SYCE2: variants seen among roughly 807,000 people sequenced by gnomAD.
The protein encoded by SYCE2 is central element synaptonemal complex 1.
SYCE2 carries 3 observed loss-of-function variants against 27.9 expected under a neutral mutation model. The observed-to-expected ratio is 0.11, with a 90% CI of 0.05 to 0.28. The LOEUF (loss-of-function observed/expected upper bound fraction) is 0.28. SYCE2 is among the 10% of genes least tolerant of loss of function. The pLI is 1.00. For synonymous variants in SYCE2, 85 were observed against 100.7 expected (o/e 0.84, Z 0.93); for missense variants, 207 against 263.5 (o/e 0.79, Z 1.48).
chr19:12,906,471 TC>T (rs1230011424), intron 2 of SYCE2, among the ~76,000 whole-genome samples: 1 of 152,196 alleles, frequency 6.6e-6, no homozygotes, highest in East Asian at 1.9e-4. Flanking sequence ...TATGTAATGT[TC>T]CGTAACTTCA....
At chr19:12,903,351 A>G (rs1030626998) in intron 3 of SYCE2, among the ~76,000 whole-genome samples, 202 of 151,114 alleles carry the variant, frequency 1.3e-3, no homozygotes, top group Non-Finnish European at 2.3e-3. Context: ...TCGGCCTCCC[A>G]AAGTGCTGGG....
At chr19:12,904,442 CT>C in intron 3 of SYCE2, 49 bp downstream of exon 3, 1 of 1,608,610 alleles carries the variant, frequency 6.2e-7, no homozygotes, top group South Asian at 1.1e-5. Flanking sequence ...GGTTCATTCC[CT>C]CCCCTTTTGC....
intron 2 of SYCE2, among the ~76,000 whole-genome samples, chr19:12,915,466 G>A (rs1050272366): frequency 7.2e-5 from 11 of 151,926 alleles, no homozygotes; most frequent in African/African-American, 1.7e-4. Flanking sequence ...GCCAGGCCTG[G>A]TGGCACATGC....
chr19:12,901,094 G>A (rs1262615149), intron 3 of SYCE2, among the ~76,000 whole-genome samples: 2 of 151,832 alleles, frequency 1.3e-5, no homozygotes, highest in East Asian at 1.9e-4. Flanking sequence ...GCGTGAACCC[G>A]GGCGGCGGAG....
chr19:12,902,180 A>T (rs778241451), intron 3 of SYCE2, among the ~76,000 whole-genome samples: 3 of 152,114 alleles, frequency 2.0e-5, no homozygotes, highest in Non-Finnish European at 4.4e-5. Context: ...CTAGGTGTGT[A>T]GTAGACTATA....
At chr19:12,903,539 A>G (rs1419935312) in intron 3 of SYCE2, among the ~76,000 whole-genome samples, 2 of 150,586 alleles carry the variant, frequency 1.3e-5, no homozygotes, top group East Asian at 3.9e-4. Context: ...GGCGCGCACC[A>G]CCATGCCCAG....
intron 3 of SYCE2, among the ~76,000 whole-genome samples, chr19:12,902,238 G>C (rs1030174136): frequency 6.6e-6 from 1 of 152,096 alleles, no homozygotes; most frequent in Admixed American, 6.6e-5. Flanking sequence ...GATGATGACA[G>C]TGTCACCTAG....
intron 3 of SYCE2, among the ~76,000 whole-genome samples, chr19:12,901,692 T>G (rs941763456): frequency 1.3e-5 from 2 of 152,096 alleles, no homozygotes; most frequent in Non-Finnish European, 2.9e-5. Context: ...CTTGGCTCAC[T>G]GCAACCTCCG....
At chr19:12,901,783 CTT>C (rs1970844872) in intron 3 of SYCE2, among the ~76,000 whole-genome samples, 1 of 151,668 alleles carries the variant, frequency 6.6e-6, no homozygotes, top group African/African-American at 2.4e-5. Flanking sequence ...ACCCAGCTAA[CTT>C]TTTGTATTTT....
Position 12,900,586 on chromosome 19 carries a change from C to T in SYCE2, c.369G>A (p.Lys123=), listed in dbSNP as rs1970814351. 1 of 1,613,998 alleles carries T rather than the reference C, an allele frequency of 6.2e-7. No individual in the cohort carries two copies. Among genetic ancestry groups the T allele is most frequent in the African/African-American group, 1.3e-5 (1 of 74,894 alleles). Residue 123 remains lysine, a synonymous_variant, in exon 4 of 6, where the codon AAG becomes AAA. Transcript: ENST00000293695. ...RIYQIYNDHN[K]IIQEKLQEFT... is the part of the protein sequence containing the mutation. Reference sequence around the variant, plus strand: ...ACTCTTGGAGCTTTTCCTGGATGATCTTGTTGTGGTCATTATAAATCTGAT... The same window carrying T: ...ACTCTTGGAGCTTTTCCTGGATGATTTTGTTGTGGTCATTATAAATCTGAT...
In SYCE2 at chr19:12,904,625, A is replaced by T. The variant is rs769014798; in HGVS notation, c.173T>A (p.Leu58His). The T allele has an allele frequency of 2.5e-6, 4 of 1,614,002 alleles. No homozygotes were observed. The East Asian group carries it at 8.9e-5, about 36-fold the overall frequency. Residue 58 changes from leucine to histidine, a missense_variant, in exon 3 of 6, where the codon CTC becomes CAC. Transcript: ENST00000293695. ...GCTTGAGTCCAGAGAGGAGAAGTAG[A>T]GTCCCGACTTCCCTTCCAGGACCGT... ...QLTVLEGKSG[L>H]YFSSLDSSID...
At chr19:12,918,098 G>C in intron 2 of SYCE2, 124 bp downstream of exon 2, 1 of 754,288 alleles carries the variant, frequency 1.3e-6, no homozygotes, top group Non-Finnish European at 2.2e-6. Context: ...TGGTGACAAA[G>C]CAAGACGCTG....
intron 2 of SYCE2, among the ~76,000 whole-genome samples, chr19:12,909,754 C>T (rs113890670): frequency 0.05 from 7,634 of 151,396 alleles, 671 homozygotes; most frequent in African/African-American, 0.18. Flanking sequence ...TTAGTAGAGA[C>T]GGAGTTTCTC....
chr19:12,901,118 G>A (rs1970827656), intron 3 of SYCE2, among the ~76,000 whole-genome samples: 1 of 151,586 alleles, frequency 6.6e-6, no homozygotes, highest in South Asian at 2.1e-4. Context: ...GCAGTGAGCT[G>A]AGATCGCGCC....
intron 2 of SYCE2, among the ~76,000 whole-genome samples, chr19:12,905,153 G>C (rs190453194): frequency 5.9e-5 from 9 of 151,924 alleles, no homozygotes; most frequent in Non-Finnish European, 1.3e-4. Flanking sequence ...TCACACACAC[G>C]CCCTGAATGA....
chr19:12,900,323 G>T, intron 4 of SYCE2, 137 bp downstream of exon 4: 1 of 1,102,156 alleles, frequency 9.1e-7, no homozygotes, highest in Non-Finnish European at 1.3e-6. Flanking sequence ...AAGATGGTGA[G>T]TGCACCAAGG....
rs943163091 is a variant in SYCE2 at position 12,916,999 on chromosome 19, G to A, written c.131+1223C>T. On this transcript the variant is annotated intron_variant, in intron 2 of 5. Coordinates refer to ENST00000293695, the MANE Select transcript of SYCE2 (RefSeq NM_001105578.2). ...TCCTGACCTCAAGTTATCTGCCAGC[G>A]CCAGCCTCCCAAAGTGCTGGGATTA... Among the ~76,000 whole-genome samples the A allele has an allele frequency of 2.6e-5, 4 of 151,402 alleles. 1 individual carries two copies. Among genetic ancestry groups the A allele is most frequent in the Non-Finnish European group, 5.9e-5 (4 of 67,914 alleles).
chr19:12,904,752 A>T (rs2145967802), intron 2 of SYCE2, 86 bp from the exon 3 acceptor site: 2 of 1,472,036 alleles, frequency 1.4e-6, no homozygotes, highest in South Asian at 2.5e-5. Flanking sequence ...CTGTAATCTC[A>T]GCACTTTGTA....
In SYCE2 at chr19:12,899,984, G is replaced by C; in HGVS notation, c.612+20C>G. 1 of 1,612,886 alleles carries C rather than the reference G, an allele frequency of 6.2e-7. No individual in the cohort carries two copies. The highest frequency in any genetic ancestry group is 8.5e-7 in the Non-Finnish European group (1 of 1,179,958). ...TGCACATCTGACCCCAAGGTGTCAG[G>C]CCGGTTTACTGGTAACCACCTGAGA... On this transcript the variant is annotated intron_variant, in intron 5 of 5. Transcript: ENST00000293695.
Sources: allele counts gnomAD v4.1 joint callset (sites outside exome capture counted in the v4.1 genomes callset), GRCh38; gene constraint gnomAD v4.1.1; transcripts MANE v1.5; gene names NCBI Gene and HGNC (gene_info 2026-07-23, HGNC 2026-07-21).